Variants in RCC1L observed in about 807,000 individuals in gnomAD.
RCC1L encodes the protein RCC1 like, also known as RCC1-like G exchanging factor-like protein.
Under a neutral mutation model 58.6 loss-of-function variants are expected in RCC1L, and 46 were observed. The observed-to-expected ratio is 0.79, with a 90% CI of 0.62 to 1.00. The LOEUF (loss-of-function observed/expected upper bound fraction) is 1.00, where lower values mean the gene tolerates loss of function less well. RCC1L is among the 50% of genes least tolerant of loss of function. The pLI is 0.00. For synonymous variants in RCC1L, 281 were observed against 262.9 expected, an observed-to-expected ratio of 1.07 and a Z score of -0.67; for missense variants, 636 against 623.6, an observed-to-expected ratio of 1.02 and a Z score of -0.21.
rs1554443508 is a variant in RCC1L, at chr7:75,052,883, T to G, written c.1232-87A>C. ...GGATGGGTCATGAGAACAGGCTTTC[T>G]AGAACCAGATACCTACAGAGCCCAC... On this transcript the variant is annotated intron_variant, in intron 9 of 10. Coordinates refer to ENST00000610322, the MANE Select transcript of RCC1L (RefSeq NM_030798.5). 2.3e-6 allele frequency: 3 copies of G among 1,279,284 alleles called. No individual in the cohort carries two copies. The Admixed American group carries it at 5.9e-5, about 25-fold the overall frequency. 79.2% of individuals were successfully genotyped at this position (1,279,284 alleles called of 1,614,324 possible). A position where few individuals can be genotyped will look rare whatever the true frequency, so the allele number is the denominator to read the frequency against.
Position 75,061,288 on chromosome 7 carries a change from C to T in RCC1L, c.706G>A (p.Ala236Thr), listed in dbSNP as rs1365468101. The part of the protein sequence containing the change: ...QDFDGQVVQV[A>T]CGQDHSLFLT... Reference sequence around the variant, plus strand: ...AACAGACTATGATCCTGACCACAGGCGACCTAGCAGACAAACAGAGGTAAG... The same window carrying T: ...AACAGACTATGATCCTGACCACAGGTGACCTAGCAGACAAACAGAGGTAAG... The change falls in exon 6 of 11, where the codon GCC becomes ACC. Residue 236 changes from alanine to threonine, a missense_variant. By Grantham distance (58) the Ala-to-Thr change is moderately conservative. Transcript: ENST00000610322. The T allele has an allele frequency of 2.8e-5, 45 of 1,613,328 alleles. No individual in the cohort carries two copies. The highest frequency in any genetic ancestry group is 3.5e-5 in the Non-Finnish European group (41 of 1,179,628).
At chr7:75,072,125 T>C (rs1252474376) in intron 1 of RCC1L, among the ~76,000 whole-genome samples, 1 of 133,908 alleles carries the variant, frequency 7.5e-6, no homozygotes, top group Non-Finnish European at 1.6e-5. Flanking sequence ...GTACTCTATT[T>C]TGTATTTTAA....
intron 10 of RCC1L, among the ~76,000 whole-genome samples, chr7:75,031,179 G>A (rs1375208191): frequency 6.6e-6 from 1 of 152,138 alleles, no homozygotes; most frequent in Admixed American, 6.5e-5. Flanking sequence ...AGATGGGGGT[G>A]AGTGGATGGA....
At position 75,034,470 on chromosome 7, in the gene RCC1L, C is replaced by T. The variant is rs965244994; in HGVS notation, c.1318-6391G>A. On this transcript the variant is annotated intron_variant, in intron 10 of 10. Transcript: ENST00000614461. ...GGCGGAGGTTGCAGTGAGCTGAGAT[C>T]GCGCCACTGCACTCCAGCCTGGGCG... 2.3e-3 allele frequency among the ~76,000 whole-genome samples: 345 copies of T among 152,130 alleles called. 1 individual carries two copies. The highest frequency in any genetic ancestry group is 3.5e-3 in the Non-Finnish European group (239 of 67,984).
At chr7:75,043,275 TC>T (rs1187898042) in intron 10 of RCC1L, among the ~76,000 whole-genome samples, 166 bp from the exon 11 acceptor site, 2 of 151,844 alleles carry the variant, frequency 1.3e-5, no homozygotes, top group South Asian at 2.1e-4. Flanking sequence ...TCTCTGAGCC[TC>T]GGCTCCCTAC....
chr7:75,036,076 T>C (rs1436704133), intron 10 of RCC1L, among the ~76,000 whole-genome samples: 1 of 151,888 alleles, frequency 6.6e-6, no homozygotes, highest in Admixed American at 6.6e-5. Flanking sequence ...AACCCCAGGT[T>C]TGAGGGGTAG....
chr7:75,051,707 G>A (rs1231990058), intron 10 of RCC1L, among the ~76,000 whole-genome samples: 2 of 152,054 alleles, frequency 1.3e-5, no homozygotes, highest in Non-Finnish European at 1.5e-5. Context: ...CACCACACCT[G>A]GTGCAAGTCC....
At chr7:75,053,499 C>T (rs1027332752) in intron 9 of RCC1L, among the ~76,000 whole-genome samples, 8 of 152,146 alleles carry the variant, frequency 5.3e-5, no homozygotes, top group African/African-American at 9.7e-5. Context: ...ATCTAATGAC[C>T]AAGTGCCTGC....
At chr7:75,056,635 C>T in intron 8 of RCC1L, 1 of 1,535,418 alleles carries the variant, frequency 6.5e-7, no homozygotes, top group Middle Eastern at 1.7e-4. Flanking sequence ...GCTGGAGTCT[C>T]TCTGGCCCAG....
intron 10 of RCC1L, among the ~76,000 whole-genome samples, chr7:75,050,970 G>A (rs926005185): frequency 6.6e-6 from 1 of 151,880 alleles, no homozygotes; most frequent in East Asian, 1.9e-4. Flanking sequence ...GTGTACGCCT[G>A]TGGTCCCAGC....
chr7:75,048,919 A>G (rs1805827177), intron 10 of RCC1L, among the ~76,000 whole-genome samples: 1 of 152,150 alleles, frequency 6.6e-6, no homozygotes, highest in Non-Finnish European at 1.5e-5. Context: ...TAGATATGTG[A>G]CCCTGGGAAA....
chr7:75,059,088 A>G, intron 6 of RCC1L, among the ~76,000 whole-genome samples: 1 of 150,792 alleles, frequency 6.6e-6, no homozygotes, highest in East Asian at 2.0e-4. Context: ...AGCTACTCAG[A>G]AGGCTGAGGC....
At chr7:75,063,412 C>T in intron 4 of RCC1L, 69 bp from the exon 5 acceptor site, 1 of 1,531,772 alleles carries the variant, frequency 6.5e-7, no homozygotes, top group Non-Finnish European at 9.0e-7. Flanking sequence ...AGCCCTTTCC[C>T]TGTCACCCCA....
intron 10 of RCC1L, among the ~76,000 whole-genome samples, chr7:75,048,790 C>T (rs1805823844): frequency 6.6e-6 from 1 of 152,232 alleles, no homozygotes; most frequent in Non-Finnish European, 1.5e-5. Flanking sequence ...CGTGCCACTG[C>T]GTGCTGCCTT....
At position 75,035,545 on chromosome 7, in the gene RCC1L, T is replaced by C. The variant is rs979571868; in HGVS notation, c.1318-7466A>G. Among the ~76,000 whole-genome samples, 29 of 152,230 alleles carry C rather than the reference T, an allele frequency of 1.9e-4. No homozygotes were observed. In the East Asian group the frequency reaches 2.5e-3, roughly 13 times the overall value. On this transcript the variant is annotated intron_variant, in intron 10 of 10. Coordinates refer to the RCC1L transcript ENST00000614461. ...ACTCCTAGGTATACATCCATGAAAA[T>C]TGAAAACTTATGTTCACACAAAAAC... is the stretch of plus-strand genomic sequence containing the variant.
chr7:75,059,918 G>A (rs1806219238), intron 6 of RCC1L, among the ~76,000 whole-genome samples: 1 of 152,024 alleles, frequency 6.6e-6, no homozygotes, highest in Non-Finnish European at 1.5e-5. Context: ...CCGCCACCAT[G>A]CCCAGCCAAT....
At chr7:75,060,516 C>T (rs939848258) in intron 6 of RCC1L, among the ~76,000 whole-genome samples, 5,233 of 152,254 alleles carry the variant, frequency 0.034, 259 homozygotes, top group African/African-American at 0.1. Context: ...CAGCAACCTC[C>T]GCCTCCCGGG....
intron 10 of RCC1L, among the ~76,000 whole-genome samples, chr7:75,032,228 C>T (rs957824555): frequency 2.6e-5 from 4 of 151,640 alleles, no homozygotes; most frequent in Non-Finnish European, 5.9e-5. Flanking sequence ...GGAGTGGGGA[C>T]GGTGGGGGGA....
chr7:75,055,926 T>TC lies in RCC1L; in HGVS notation c.1205dup (p.Leu403ThrfsTer155). On this transcript the variant is annotated frameshift_variant, in exon 9 of 11. Transcript: ENST00000610322. LOFTEE classifies it high-confidence loss of function. ...TGGTCAGTGCAGCAAAGTGGCTGAG[T>TC]CCACATCGGATGCGGGAAACCTGGA... 4 of 1,613,924 alleles carry TC rather than the reference T, an allele frequency of 2.5e-6. No individual in the cohort carries two copies. The highest frequency in any genetic ancestry group is 3.4e-6 in the Non-Finnish European group (4 of 1,179,860).
Sources: allele counts gnomAD v4.1 joint callset (sites outside exome capture counted in the v4.1 genomes callset), GRCh38; gene constraint gnomAD v4.1.1; transcripts MANE v1.5; gene names NCBI Gene and HGNC (gene_info 2026-07-23, HGNC 2026-07-21).